The following CLNK variants were observed in gnomAD, a reference collection of about 807,000 sequenced individuals.
CLNK encodes cytokine dependent hematopoietic cell linker.
In CLNK, 74 loss-of-function variants were observed where a neutral mutation model predicts 68.6. That is an observed-to-expected ratio of 1.08 (90% CI 0.89 to 1.31). CLNK has a LOEUF of 1.31. Ranked by LOEUF, CLNK falls within the 50% of genes most tolerant of loss-of-function variation. CLNK has a pLI of 0.00. For missense variants in CLNK, 553 were observed against 515.3 expected, an observed-to-expected ratio of 1.07 and a Z score of -0.71; for synonymous variants, 198 against 172.2, an observed-to-expected ratio of 1.15 and a Z score of -1.17.
At chr4:10,657,735 A>G (rs1724038326) in intron 2 of CLNK, among the ~76,000 whole-genome samples, 1 of 152,218 alleles carries the variant, frequency 6.6e-6, no homozygotes, top group African/African-American at 2.4e-5. Context: ...AGCAGAATCC[A>G]GACGGCCAAC....
chr4:10,593,949 C>A (rs374514690), intron 3 of CLNK, among the ~76,000 whole-genome samples: 2 of 152,186 alleles, frequency 1.3e-5, no homozygotes. Flanking sequence ...GGATTAGAAT[C>A]TTGGTGCCAC....
At chr4:10,546,861 A>G (rs1719252904) in intron 8 of CLNK, among the ~76,000 whole-genome samples, 1 of 152,094 alleles carries the variant, frequency 6.6e-6, no homozygotes, top group South Asian at 2.1e-4. Flanking sequence ...GGTTTAGGGG[A>G]TGCATCTGGT....
intron 2 of CLNK, among the ~76,000 whole-genome samples, chr4:10,639,736 A>T (rs549448809): frequency 6.6e-6 from 1 of 152,268 alleles, no homozygotes; most frequent in East Asian, 1.9e-4. Flanking sequence ...CAGTAGCCAC[A>T]TGTGGCAAAC....
upstream of CLNK, among the ~76,000 whole-genome samples, chr4:10,686,052 A>T (rs991352733): frequency 6.6e-6 from 1 of 152,184 alleles, no homozygotes; most frequent in Non-Finnish European, 1.5e-5. Context: ...ATTGTCTCAC[A>T]GTCTGGCCTC....
intron 2 of CLNK, among the ~76,000 whole-genome samples, chr4:10,656,780 T>C (rs1037820995): frequency 6.6e-6 from 1 of 152,198 alleles, no homozygotes; most frequent in Non-Finnish European, 1.5e-5. Context: ...AGCACTTGTA[T>C]TAGCAATATT....
At chr4:10,591,209 G>A (rs547097115) in intron 3 of CLNK, among the ~76,000 whole-genome samples, 2 of 152,154 alleles carry the variant, frequency 1.3e-5, no homozygotes, top group Admixed American at 6.5e-5. Context: ...CAGAGGTAAC[G>A]TAGGAACACA....
intron 2 of CLNK, among the ~76,000 whole-genome samples, chr4:10,625,109 C>A (rs530412830): frequency 1.3e-5 from 2 of 152,300 alleles, no homozygotes; most frequent in East Asian, 3.9e-4. Flanking sequence ...ATCACAGTAG[C>A]ATTAGCTCAG....
At chr4:10,626,143 G>A (rs1035781846) in intron 2 of CLNK, among the ~76,000 whole-genome samples, 3 of 152,130 alleles carry the variant, frequency 2.0e-5, no homozygotes, top group Non-Finnish European at 4.4e-5. Flanking sequence ...TGCAGTGTCC[G>A]CCTGCCCAGT....
At chr4:10,572,824 G>T (rs1184589526) in intron 4 of CLNK, among the ~76,000 whole-genome samples, 5 of 151,948 alleles carry the variant, frequency 3.3e-5, no homozygotes, top group African/African-American at 1.2e-4. Context: ...GTTTTGTTTT[G>T]TTTTGTTTTT....
At chr4:10,551,386 A>C (rs2108814280) in intron 8 of CLNK, among the ~76,000 whole-genome samples, 1 of 151,936 alleles carries the variant, frequency 6.6e-6, no homozygotes, top group South Asian at 2.1e-4. Flanking sequence ...CTGGGATTAC[A>C]GGTGTGCACC....
chr4:10,515,891 G>C (rs1310454539), intron 15 of CLNK, among the ~76,000 whole-genome samples: 2 of 152,128 alleles, frequency 1.3e-5, no homozygotes, highest in African/African-American at 4.8e-5. Flanking sequence ...GACAGACCAA[G>C]GGATTTTACA....
the CLNK span, among the ~76,000 whole-genome samples, chr4:10,731,888 C>T: frequency 1.3e-5 from 2 of 152,154 alleles, no homozygotes; most frequent in Non-Finnish European, 2.9e-5. Flanking sequence ...GAGTTTGAAG[C>T]AGTGGTTTGT....
At chr4:10,655,109 A>G (rs1723915475) in intron 2 of CLNK, among the ~76,000 whole-genome samples, 1 of 151,758 alleles carries the variant, frequency 6.6e-6, no homozygotes, top group Non-Finnish European at 1.5e-5. Context: ...TCGAAAAAAA[A>G]AAAAAAAAAA....
the CLNK span, among the ~76,000 whole-genome samples, chr4:10,694,981 A>G: frequency 6.6e-6 from 1 of 152,318 alleles, no homozygotes; most frequent in South Asian, 2.1e-4. Flanking sequence ...TAATCATGCA[A>G]TGAACTCACG....
chr4:10,655,328 C>G (rs1381425258), intron 2 of CLNK, among the ~76,000 whole-genome samples: 5 of 87,558 alleles, frequency 5.7e-5, no homozygotes, highest in African/African-American at 2.3e-4. Context: ...CTAAAACCCC[C>G]AAAGACAGAG....
the CLNK span, among the ~76,000 whole-genome samples, chr4:10,691,779 G>T: frequency 6.6e-6 from 1 of 152,138 alleles, no homozygotes; most frequent in East Asian, 1.9e-4. Flanking sequence ...CCTCAAACTG[G>T]TTGAATTTAG....
At chr4:10,700,983 T>C in the CLNK span, among the ~76,000 whole-genome samples, 2 of 152,192 alleles carry the variant, frequency 1.3e-5, no homozygotes, top group Middle Eastern at 3.2e-3. Flanking sequence ...ACGACTAAAT[T>C]GCTGGAAAAT....
intron 1 of CLNK, among the ~76,000 whole-genome samples, chr4:10,677,530 G>A (rs978838866): frequency 6.6e-6 from 1 of 152,102 alleles, no homozygotes; most frequent in Non-Finnish European, 1.5e-5. Context: ...TAATCCCCAG[G>A]TGCTGAGGGA....
intron 7 of CLNK, among the ~76,000 whole-genome samples, chr4:10,559,078 C>A (rs1211813653): frequency 6.6e-6 from 1 of 152,128 alleles, no homozygotes; most frequent in African/African-American, 2.4e-5. Flanking sequence ...TCATGTATCA[C>A]TATTAATATT....
Sources: gnomAD v4.1 joint callset for allele counts (sites outside exome capture counted in the v4.1 genomes callset) on GRCh38, gnomAD v4.1.1 for gene constraint, MANE v1.5 for transcripts, NCBI Gene and HGNC (gene_info 2026-07-23, HGNC 2026-07-21) for gene names.